CAST: variants seen among roughly 807,000 people sequenced by gnomAD.
The protein encoded by CAST is calpastatin, also known as MIR583 host.
A neutral mutation model predicts 119.6 loss-of-function variants in CAST; 76 were observed. The observed-to-expected ratio is 0.64, with a 90% CI of 0.53 to 0.77. The LOEUF (loss-of-function observed/expected upper bound fraction) is 0.77. Ranked by LOEUF, CAST falls within the 30% of genes least tolerant of loss-of-function variation. The probability of loss-of-function intolerance (pLI) is 0.00; values close to 1 mark genes in which losing one functional copy is unlikely to be tolerated. For synonymous variants in CAST, 319 were observed against 331.6 expected (o/e 0.96, Z 0.41); for missense variants, 953 against 946.5 (o/e 1.01, Z -0.09).
the CAST span, among the ~76,000 whole-genome samples, chr5:96,439,680 G>C: frequency 6.6e-6 from 1 of 152,162 alleles, no homozygotes. Context: ...CGAACCAACT[G>C]TAAGAAATTG....
intron 3 of CAST, among the ~76,000 whole-genome samples, chr5:96,720,203 C>T (rs1461391871): frequency 6.6e-6 from 1 of 152,170 alleles, no homozygotes; most frequent in South Asian, 2.1e-4. Context: ...CATGAGATTC[C>T]ATTTTTCTCA....
chr5:96,640,958 A>G (rs547697249), intron 1 of CAST, among the ~76,000 whole-genome samples: 5 of 152,236 alleles, frequency 3.3e-5, no homozygotes, highest in Non-Finnish European at 5.9e-5. Context: ...CACACTCCAC[A>G]ATGCTATATA....
At chr5:96,319,362 G>A in the CAST span, among the ~76,000 whole-genome samples, 3 of 152,168 alleles carry the variant, frequency 2.0e-5, no homozygotes, top group African/African-American at 7.2e-5. Flanking sequence ...TCAGGTAAAT[G>A]CTATTATTCT....
chr5:96,281,450 A>T, the CAST span, among the ~76,000 whole-genome samples: 47,177 of 152,130 alleles, frequency 0.31, 7,632 homozygotes, highest in Admixed American at 0.41. Flanking sequence ...ATTAATCAGC[A>T]GTTAATTACA....
At chr5:96,281,822 A>T in the CAST span, among the ~76,000 whole-genome samples, 1 of 152,208 alleles carries the variant, frequency 6.6e-6, no homozygotes. Context: ...GTAGGCTTTT[A>T]TTCTACGTAT....
chr5:96,496,645 TAAAG>T, the CAST span, among the ~76,000 whole-genome samples: 3 of 152,210 alleles, frequency 2.0e-5, no homozygotes, highest in African/African-American at 7.2e-5. Context: ...GGCAAGCTTT[TAAAG>T]AAAGTGTGGA....
rs764267202 is a variant in CAST, at chr5:96,736,257, G to A, written c.699+17G>A. 1.3e-6 allele frequency: 2 copies of A among 1,545,532 alleles called. No homozygotes were observed. Among genetic ancestry groups the A allele is most frequent in the Non-Finnish European group, 1.8e-6 (2 of 1,119,768 alleles). ...TCGGGAAAGGTATGAAGACAACAGT[G>A]TCCTTCTACATGAGACAGTTACTCA... On this transcript the variant is annotated intron_variant, in intron 10 of 31. Transcript: ENST00000675179.
chr5:96,162,049 T>G, the CAST span, among the ~76,000 whole-genome samples: 2 of 152,236 alleles, frequency 1.3e-5, no homozygotes, highest in African/African-American at 4.8e-5. Flanking sequence ...AAGATCATCT[T>G]ATCTGTAAAC....
chr5:96,433,225 A>G, the CAST span: 1 of 643,264 alleles, frequency 1.6e-6, no homozygotes, highest in East Asian at 2.8e-5. Flanking sequence ...CGCTCAGTGA[A>G]GCGCTTCGGT....
rs1169559007 is a variant in CAST at position 96,754,667 on chromosome 5, A to AAAG, written c.1644_1646dup (p.Glu548dup). 1 of 1,600,500 alleles carries AAAG rather than the reference A, an allele frequency of 6.2e-7. No individual in the cohort carries two copies. Among genetic ancestry groups the AAAG allele is most frequent in the South Asian group, 1.1e-5 (1 of 89,396 alleles). On this transcript the variant is annotated inframe_insertion, in exon 22 of 32. Coordinates refer to ENST00000675179, the MANE Select transcript of CAST (RefSeq NM_001750.7). The stretch of plus-strand genomic sequence containing the variant: ...GTATAATTTTTCTCAGGAGAAGGCC[A>AAAG]AAGAAGAAGACCGTGAAAAGCTTGG...
At chr5:96,403,906 C>G in the CAST span, among the ~76,000 whole-genome samples, 220 of 152,258 alleles carry the variant, frequency 1.4e-3, 1 homozygote, top group Non-Finnish European at 2.0e-3. Context: ...TTTAATAAGA[C>G]CAGAAGTTTG....
chr5:96,191,873 A>G, the CAST span, among the ~76,000 whole-genome samples: 1 of 152,208 alleles, frequency 6.6e-6, no homozygotes, highest in Non-Finnish European at 1.5e-5. Context: ...CAGCCAGCTG[A>G]TGGAATTTTT....
chr5:96,612,466 C>T (rs1452947557), intron 1 of CAST, among the ~76,000 whole-genome samples: 1 of 152,118 alleles, frequency 6.6e-6, no homozygotes, highest in Admixed American at 6.6e-5. Context: ...TGAAAAACTA[C>T]TTACTGGGTA....
the CAST span, among the ~76,000 whole-genome samples, chr5:96,316,095 T>C: frequency 6.6e-6 from 1 of 152,250 alleles, no homozygotes; most frequent in Non-Finnish European, 1.5e-5. Flanking sequence ...TAAATGCTTG[T>C]CTGTTTAAGC....
the CAST span, among the ~76,000 whole-genome samples, chr5:96,441,496 G>T: frequency 6.6e-6 from 1 of 152,088 alleles, no homozygotes; most frequent in East Asian, 1.9e-4. Flanking sequence ...TCTGCCTTGA[G>T]AACCTGATCC....
intron 1 of CAST, among the ~76,000 whole-genome samples, chr5:96,575,553 A>C (rs1746654417): frequency 6.6e-6 from 1 of 152,194 alleles, no homozygotes; most frequent in Admixed American, 6.5e-5. Flanking sequence ...GATGCTATCT[A>C]TCAAAATGTG....
At chr5:96,389,641 A>T in the CAST span, among the ~76,000 whole-genome samples, 14 of 152,172 alleles carry the variant, frequency 9.2e-5, no homozygotes, top group Non-Finnish European at 2.1e-4. Context: ...CAGAAATCAA[A>T]GTTGGGAATT....
At chr5:96,647,971 C>T (rs942316211) in intron 1 of CAST, among the ~76,000 whole-genome samples, 12 of 152,214 alleles carry the variant, frequency 7.9e-5, no homozygotes, top group Admixed American at 7.2e-4. Flanking sequence ...TTCTCCAATT[C>T]TTTCCTATAC....
At chr5:96,086,774 T>G in the CAST span, among the ~76,000 whole-genome samples, 1 of 152,168 alleles carries the variant, frequency 6.6e-6, no homozygotes, top group African/African-American at 2.4e-5. Flanking sequence ...TTAGTTGACT[T>G]TTGAGATCAC....
Sources: gnomAD v4.1 joint callset for allele counts (sites outside exome capture counted in the v4.1 genomes callset) on GRCh38, gnomAD v4.1.1 for gene constraint, MANE v1.5 for transcripts, NCBI Gene and HGNC (gene_info 2026-07-23, HGNC 2026-07-21) for gene names.